KIAA0825: variants seen among roughly 807,000 people sequenced by gnomAD.
KIAA0825 encodes uncharacterized protein KIAA0825.
A neutral mutation model predicts 147.6 loss-of-function variants in KIAA0825; 119 were observed. The ratio of observed to expected loss-of-function variants is 0.81; its 90% CI spans 0.69 to 0.94. The LOEUF (loss-of-function observed/expected upper bound fraction) is 0.94. Among genes scored for constraint, KIAA0825 ranks in the 40% least tolerant of loss-of-function variants. KIAA0825 has a pLI of 0.00. For synonymous variants in KIAA0825, 470 were observed against 518.1 expected (o/e 0.91, Z 1.26); for missense variants, 1,381 against 1,472.7 (o/e 0.94, Z 1.02).
In KIAA0825 at chr5:94,180,313, AT is replaced by A. The variant is rs1412543318; in HGVS notation, c.3711-26190del. On this transcript the variant is annotated intron_variant, in intron 20 of 20. Transcript: ENST00000682413. ...AAATTGAGGCACATTCTACAAAATA[AT>A]TTACCAGTATCCTTCAAAAGTGTCA... Among the ~76,000 whole-genome samples the A allele has an allele frequency of 7.2e-5, 11 of 152,174 alleles. No homozygotes were observed. In the East Asian group the frequency reaches 2.1e-3, roughly 29 times the overall value.
chr5:94,569,934 T>C (rs143138446), intron 2 of KIAA0825: 2 of 155,012 alleles, frequency 1.3e-5, no homozygotes, highest in African/African-American at 4.8e-5. Flanking sequence ...ATAGGCTATG[T>C]CCTCCCATGA....
chr5:94,432,622 G>A (rs1178818035), intron 14 of KIAA0825, among the ~76,000 whole-genome samples: 4 of 152,150 alleles, frequency 2.6e-5, no homozygotes, highest in Non-Finnish European at 5.9e-5. Flanking sequence ...GAGTCCTGTA[G>A]TGCAGACATC....
At chr5:94,402,387 A>T (rs1010040211) in intron 16 of KIAA0825, among the ~76,000 whole-genome samples, 1 of 152,148 alleles carries the variant, frequency 6.6e-6, no homozygotes, top group African/African-American at 2.4e-5. Flanking sequence ...TCCAAAAGCT[A>T]GAACAAAGGA....
At chr5:94,185,868 C>T (rs963355270) in intron 20 of KIAA0825, among the ~76,000 whole-genome samples, 1 of 152,054 alleles carries the variant, frequency 6.6e-6, no homozygotes, top group Non-Finnish European at 1.5e-5. Flanking sequence ...TCTTAGTTTT[C>T]TAGTATAGAA....
intron 20 of KIAA0825, among the ~76,000 whole-genome samples, chr5:94,272,106 CAAAAAAAAAAAAAA>C (rs70975898): frequency 3.0e-5 from 2 of 66,630 alleles, no homozygotes; most frequent in African/African-American, 1.2e-4. Flanking sequence ...TTTGTAGGAG[CAAAAAAAAAAAAAA>C]AAAAAAAAAA....
At chr5:94,466,024 CA>C (rs1760448602) in intron 10 of KIAA0825, among the ~76,000 whole-genome samples, 1 of 152,006 alleles carries the variant, frequency 6.6e-6, no homozygotes, top group East Asian at 1.9e-4. Flanking sequence ...GTTAATATAT[CA>C]AAAGTTAAAC....
chr5:94,357,147 A>T (rs562493627), intron 20 of KIAA0825, among the ~76,000 whole-genome samples: 1 of 152,328 alleles, frequency 6.6e-6, no homozygotes, highest in East Asian at 1.9e-4. Context: ...TTCGTTAAAA[A>T]AAATAGATTA....
At chr5:94,387,347 G>A (rs1749296226) in intron 18 of KIAA0825, among the ~76,000 whole-genome samples, 1 of 152,142 alleles carries the variant, frequency 6.6e-6, no homozygotes, top group African/African-American at 2.4e-5. Context: ...TCACCTGGGA[G>A]CTTGTTAGAA....
intron 15 of KIAA0825, among the ~76,000 whole-genome samples, chr5:94,412,310 G>A (rs935698471): frequency 1.3e-5 from 2 of 152,186 alleles, no homozygotes; most frequent in African/African-American, 4.8e-5. Flanking sequence ...AATCTCAAGT[G>A]TTGACAAGAA....
intron 20 of KIAA0825, among the ~76,000 whole-genome samples, chr5:94,226,204 G>A (rs1173962858): frequency 6.6e-6 from 1 of 152,194 alleles, no homozygotes; most frequent in East Asian, 1.9e-4. Context: ...AGTGGGTAAA[G>A]GATATGAACA....
chr5:94,617,107 A>G (rs1790736308), intron 1 of KIAA0825, among the ~76,000 whole-genome samples: 1 of 152,236 alleles, frequency 6.6e-6, no homozygotes, highest in Non-Finnish European at 1.5e-5. Context: ...TAAATAAAAT[A>G]ATAAATGTAA....
At chr5:94,563,357 CAA>C (rs35396980) in intron 2 of KIAA0825, among the ~76,000 whole-genome samples, 198 of 131,242 alleles carry the variant, frequency 1.5e-3, no homozygotes, top group Admixed American at 3.1e-3. Flanking sequence ...GACTCCGTCT[CAA>C]AAAAAAAAAA....
chr5:94,584,332 G>C (rs1307103705), intron 1 of KIAA0825, among the ~76,000 whole-genome samples: 1 of 152,212 alleles, frequency 6.6e-6, no homozygotes, highest in Non-Finnish European at 1.5e-5. Context: ...AACCAGTGTA[G>C]AGAAGAGCTT....
At chr5:94,348,675 T>A (rs953128915) in intron 20 of KIAA0825, among the ~76,000 whole-genome samples, 1 of 151,896 alleles carries the variant, frequency 6.6e-6, no homozygotes, top group Non-Finnish European at 1.5e-5. Context: ...TATTCCTATA[T>A]CAAACAAAAC....
intron 20 of KIAA0825, among the ~76,000 whole-genome samples, chr5:94,156,241 A>G (rs1301496542): frequency 2.0e-5 from 3 of 152,178 alleles, no homozygotes; most frequent in African/African-American, 4.8e-5. Context: ...GGGCTTTCAA[A>G]TGCAATTAAC....
chr5:94,174,565 A>G (rs1270313212), intron 20 of KIAA0825, among the ~76,000 whole-genome samples: 1 of 152,192 alleles, frequency 6.6e-6, no homozygotes, highest in African/African-American at 2.4e-5. Context: ...TATATAGAAT[A>G]TGGAACTTGT....
At chr5:94,289,738 C>A (rs1174206446) in intron 20 of KIAA0825, among the ~76,000 whole-genome samples, 6 of 151,230 alleles carry the variant, frequency 4.0e-5, no homozygotes, top group African/African-American at 1.5e-4. Flanking sequence ...ATATAAAGGA[C>A]TTTTGTTGAA....
At chr5:94,508,242 A>G (rs2151150571) in intron 5 of KIAA0825, among the ~76,000 whole-genome samples, 1 of 152,296 alleles carries the variant, frequency 6.6e-6, no homozygotes, top group East Asian at 1.9e-4. Context: ...TAGCAGCTGT[A>G]ATACACAATA....
At chr5:94,583,763 A>T (rs1782699374) in intron 1 of KIAA0825, among the ~76,000 whole-genome samples, 1 of 152,126 alleles carries the variant, frequency 6.6e-6, no homozygotes, top group African/African-American at 2.4e-5. Flanking sequence ...ACTGGAAGAC[A>T]TCTCCCAGTC....
Sources: allele counts gnomAD v4.1 joint callset (sites outside exome capture counted in the v4.1 genomes callset), GRCh38; gene constraint gnomAD v4.1.1; transcripts MANE v1.5; gene names NCBI Gene and HGNC (gene_info 2026-07-23, HGNC 2026-07-21).